The following ACTR3C variants were observed in gnomAD, a reference collection of about 807,000 sequenced individuals.
ACTR3C encodes the protein actin related protein 3C, also known as actin-related protein 3C.
Under a neutral mutation model 26.3 loss-of-function variants are expected in ACTR3C, and 18 were observed. That is an observed-to-expected ratio of 0.68 (90% CI 0.47 to 1.01). The LOEUF (loss-of-function observed/expected upper bound fraction) is 1.01. Among genes scored for constraint, ACTR3C ranks in the 50% least tolerant of loss-of-function variants. The pLI is 0.00. For missense variants in ACTR3C, 184 were observed against 250.7 expected, an observed-to-expected ratio of 0.73 and a Z score of 1.80; for synonymous variants, 55 against 94.5, an observed-to-expected ratio of 0.58 and a Z score of 2.42.
intron 1 of ACTR3C, among the ~76,000 whole-genome samples, chr7:150,310,419 A>T (rs1796204334): frequency 6.6e-6 from 1 of 152,000 alleles, no homozygotes; most frequent in South Asian, 2.1e-4. Flanking sequence ...AAGCCTACAA[A>T]TTCTCCTTAC....
intron 6 of ACTR3C, among the ~76,000 whole-genome samples, chr7:150,259,998 T>C (rs1353045300): frequency 6.6e-6 from 1 of 152,222 alleles, no homozygotes; most frequent in African/African-American, 2.4e-5. Flanking sequence ...TACTGCAATA[T>C]CTAGGTCAGA....
chr7:150,226,371 G>C, the ACTR3C span, among the ~76,000 whole-genome samples: 1 of 152,256 alleles, frequency 6.6e-6, no homozygotes, highest in African/African-American at 2.4e-5. Flanking sequence ...GGTATCTCCA[G>C]TTTGTTTTTG....
At chr7:150,238,201 T>C in the ACTR3C span, among the ~76,000 whole-genome samples, 1 of 143,218 alleles carries the variant, frequency 7.0e-6, no homozygotes, top group Non-Finnish European at 1.5e-5. Context: ...TAGCTCAGCA[T>C]ACTCATGTTT....
At chr7:150,295,014 G>T in intron 2 of ACTR3C, among the ~76,000 whole-genome samples, 1 of 152,096 alleles carries the variant, frequency 6.6e-6, no homozygotes, top group African/African-American at 2.4e-5. Flanking sequence ...AAATGCATGA[G>T]ACTTTAATGC....
chr7:149,887,802 A>C, the ACTR3C span, among the ~76,000 whole-genome samples: 1 of 152,182 alleles, frequency 6.6e-6, no homozygotes, highest in Non-Finnish European at 1.5e-5. Flanking sequence ...AGGTAATTGA[A>C]TCATGGGGGC....
chr7:149,893,538 T>G, the ACTR3C span, among the ~76,000 whole-genome samples: 1 of 152,318 alleles, frequency 6.6e-6, no homozygotes, highest in Admixed American at 6.5e-5. Flanking sequence ...TTCACAGAAA[T>G]GGAAGCTTAA....
chr7:150,156,201 C>T, the ACTR3C span, among the ~76,000 whole-genome samples: 4 of 152,104 alleles, frequency 2.6e-5, no homozygotes, highest in South Asian at 2.1e-4. Flanking sequence ...CAGCAGCAGG[C>T]GCTGAGCAAC....
At chr7:149,962,924 C>T in the ACTR3C span, among the ~76,000 whole-genome samples, 1 of 152,180 alleles carries the variant, frequency 6.6e-6, no homozygotes, top group Non-Finnish European at 1.5e-5. Flanking sequence ...GCCCTGTGCA[C>T]AGTGGAAAAC....
intron 1 of ACTR3C, among the ~76,000 whole-genome samples, chr7:150,320,763 C>T (rs1210575104): frequency 6.6e-6 from 1 of 152,036 alleles, no homozygotes; most frequent in East Asian, 1.9e-4. Flanking sequence ...ACTCCATCTC[C>T]AAAACAAAAA....
chr7:150,180,048 G>A, the ACTR3C span, among the ~76,000 whole-genome samples: 1 of 151,054 alleles, frequency 6.6e-6, no homozygotes, highest in South Asian at 2.1e-4. Flanking sequence ...GCTCATGCCT[G>A]TAATCCCAGC....
chr7:150,048,197 C>G, the ACTR3C span, among the ~76,000 whole-genome samples: 1 of 152,130 alleles, frequency 6.6e-6, no homozygotes, highest in Non-Finnish European at 1.5e-5. Context: ...GAAAAAAAAC[C>G]AAAAACATAA....
At chr7:150,179,894 T>C in the ACTR3C span, among the ~76,000 whole-genome samples, 12,623 of 101,954 alleles carry the variant, frequency 0.12, 27 homozygotes, top group African/African-American at 0.16. Flanking sequence ...CTCTGGAGAA[T>C]GACTGTTAGG....
At chr7:150,067,459 A>G in the ACTR3C span, among the ~76,000 whole-genome samples, 1 of 152,232 alleles carries the variant, frequency 6.6e-6, no homozygotes, top group Non-Finnish European at 1.5e-5. Context: ...ATAGAAGGAT[A>G]TAGTAACCCA....
the ACTR3C span, among the ~76,000 whole-genome samples, chr7:150,008,012 T>C: frequency 3.9e-5 from 6 of 152,200 alleles, no homozygotes; most frequent in African/African-American, 1.2e-4. Flanking sequence ...CTCCCTAGCA[T>C]TGGCAATAAT....
chr7:150,264,972 C>T (rs1833920688), intron 6 of ACTR3C: 1 of 744,006 alleles, frequency 1.3e-6, no homozygotes, highest in Middle Eastern at 6.9e-4. Context: ...AACAGTAACT[C>T]CACCTTCTTA....
At chr7:149,983,108 T>TA in the ACTR3C span, among the ~76,000 whole-genome samples, 13,774 of 151,996 alleles carry the variant, frequency 0.091, 781 homozygotes, top group Non-Finnish European at 0.13. Flanking sequence ...ATGCTGTACA[T>TA]AAAAAACAAC....
chr7:150,140,338 T>TA, the ACTR3C span, among the ~76,000 whole-genome samples: 1 of 152,158 alleles, frequency 6.6e-6, no homozygotes, highest in South Asian at 2.1e-4. Flanking sequence ...TTTGTCCAAC[T>TA]AAAACTAGGC....
the ACTR3C span, among the ~76,000 whole-genome samples, chr7:149,939,687 C>T: frequency 1.3e-5 from 2 of 150,084 alleles, no homozygotes; most frequent in Non-Finnish European, 3.0e-5. Flanking sequence ...TGGGTTATCA[C>T]TATCTGATTC....
At chr7:150,044,167 C>A in the ACTR3C span, among the ~76,000 whole-genome samples, 1 of 151,978 alleles carries the variant, frequency 6.6e-6, no homozygotes, top group Admixed American at 6.6e-5. Context: ...TACAGAAGGC[C>A]TCCAAAGCCC....
Sources: allele counts gnomAD v4.1 joint callset (sites outside exome capture counted in the v4.1 genomes callset), GRCh38; gene constraint gnomAD v4.1.1; transcripts MANE v1.5; gene names NCBI Gene and HGNC (gene_info 2026-07-23, HGNC 2026-07-21).